The following SLC22A8 variants were observed in gnomAD, a reference collection of about 807,000 sequenced individuals.
SLC22A8 encodes solute carrier family 22 member 8, also known as organic anion transporter 3.
SLC22A8 carries 40 observed loss-of-function variants against 48.4 expected under a neutral mutation model. The ratio of observed to expected loss-of-function variants is 0.83; its 90% CI spans 0.64 to 1.08. SLC22A8 has a LOEUF of 1.08. Ranked by LOEUF, SLC22A8 falls within the 50% of genes least tolerant of loss-of-function variation. The pLI, the probability that SLC22A8 is intolerant of heterozygous loss-of-function variation, is 0.00. For synonymous variants in SLC22A8, 268 were observed against 286.3 expected (o/e 0.94, Z 0.65); for missense variants, 606 against 699.0 (o/e 0.87, Z 1.50).
Position 62,994,573 on chromosome 11 carries a change from C to G in SLC22A8, c.1185G>C (p.Gly395=), listed in dbSNP as rs541734790. Residue 395 remains glycine, a synonymous_variant, in exon 8 of 11, where the codon GGG becomes GGC. Transcript: ENST00000336232. ...GCACAAAGGTGAGAGCCAAGATGGC[C>G]CCTCCTGCCAGGAGCAGGGCAGCGG... ...TQAAALLLAG[G]AILALTFVPL... is the part of the protein sequence containing the mutation. 1 of 1,612,594 alleles carries G rather than the reference C, an allele frequency of 6.2e-7. No individual in the cohort carries two copies. The highest frequency in any genetic ancestry group is 1.1e-5 in the South Asian group (1 of 90,668).
chr11:62,997,545 G>C (rs530102512), intron 5 of SLC22A8, among the ~76,000 whole-genome samples: 9 of 152,240 alleles, frequency 5.9e-5, no homozygotes, highest in African/African-American at 2.2e-4. Context: ...TTGATGCTCA[G>C]AGGGCATGAG....
At chr11:63,010,550 G>T (rs539518386) in intron 2 of SLC22A8, among the ~76,000 whole-genome samples, 1 of 152,158 alleles carries the variant, frequency 6.6e-6, no homozygotes, top group African/African-American at 2.4e-5. Context: ...AAGATGAAAG[G>T]GTTCTGCCCT....
chr11:63,011,797 C>T (rs925625307), intron 2 of SLC22A8, among the ~76,000 whole-genome samples: 7 of 152,134 alleles, frequency 4.6e-5, no homozygotes, highest in South Asian at 2.1e-4. Flanking sequence ...GTGTCACTCT[C>T]CTGCTTAACA....
At chr11:63,000,091 AG>A (rs552607159) in intron 3 of SLC22A8, among the ~76,000 whole-genome samples, 60 of 152,336 alleles carry the variant, frequency 3.9e-4, no homozygotes, top group Middle Eastern at 3.4e-3. Context: ...CAGGGGTCAA[AG>A]GACCGCCCAT....
In SLC22A8 at chr11:63,000,783, G is replaced by A; in HGVS notation, c.374C>T (p.Ala125Val). Residue 125 changes from alanine (A) to valine (V), a missense_variant, in exon 3 of 11, where the codon GCC becomes GTC. By Grantham distance (64) the Ala-to-Val change is moderately conservative. Transcript: ENST00000336232. ...TATACCTGCCATGAAGATAGACTGG[G>A]CCATCTCCTTCAGTTTGTTGGAGTT... ...VCNSNKLKEM[A>V]QSIFMAGILI... 6.2e-7 allele frequency: 1 copy of A among 1,614,094 alleles called. No homozygotes were observed. Among genetic ancestry groups the A allele is most frequent in the Non-Finnish European group, 8.5e-7 (1 of 1,179,954 alleles).
At chr11:62,994,388 C>T (rs772720461) in intron 8 of SLC22A8, 154 bp downstream of exon 8, 70 of 626,124 alleles carry the variant, frequency 1.1e-4, no homozygotes, top group Middle Eastern at 2.7e-4. Context: ...AGCCCAATTG[C>T]GTTATTTTCT....
At chr11:62,994,813 T>C in intron 7 of SLC22A8, 57 bp from the exon 8 acceptor site, 1 of 1,307,274 alleles carries the variant, frequency 7.6e-7, no homozygotes, top group Non-Finnish European at 1.1e-6. Flanking sequence ...CCACTCCCCA[T>C]GCTGGTCATT....
At chr11:63,000,641 C>A in intron 3 of SLC22A8, 79 bp downstream of exon 3, 2 of 1,020,430 alleles carry the variant, frequency 2.0e-6, no homozygotes, top group Non-Finnish European at 1.5e-6. Context: ...TGCCTCTTTG[C>A]GGGTGCACGG....
At chr11:63,000,693 T>G in intron 3 of SLC22A8, 27 bp downstream of exon 3, 1 of 1,489,650 alleles carries the variant, frequency 6.7e-7, no homozygotes, top group Non-Finnish European at 9.4e-7. Flanking sequence ...GGGTCATGCT[T>G]CCATGGGCTG....
Position 62,998,687 on chromosome 11 carries a change from C to T in SLC22A8, c.761+234G>A, listed in dbSNP as rs116028029. Among the ~76,000 whole-genome samples the T allele has an allele frequency of 4.8e-3, 738 of 152,356 alleles. 6 individuals are homozygous for T. Among genetic ancestry groups the T allele is most frequent in the African/African-American group, 0.017 (698 of 41,590 alleles). On this transcript the variant is annotated intron_variant, in intron 5 of 10. Coordinates refer to ENST00000336232, the MANE Select transcript of SLC22A8 (RefSeq NM_004254.4). ...CAGCCAGTCTCCATCCCGTCCACCT[C>T]CACTTACCCTCTTCTTCAGCTGCAG...
chr11:63,009,462 G>A (rs774150775), intron 2 of SLC22A8, among the ~76,000 whole-genome samples: 1 of 152,154 alleles, frequency 6.6e-6, no homozygotes, highest in Non-Finnish European at 1.5e-5. Context: ...CCCTTAGAGA[G>A]ATGGGTCTTG....
At chr11:63,000,092 G>T (rs774763241) in intron 3 of SLC22A8, among the ~76,000 whole-genome samples, 1 of 152,062 alleles carries the variant, frequency 6.6e-6, no homozygotes, top group Non-Finnish European at 1.5e-5. Flanking sequence ...AGGGGTCAAA[G>T]GACCGCCCAT....
chr11:62,993,233 G>A lies in SLC22A8; in HGVS notation c.*4C>T, dbSNP rs1441989680. The A allele has an allele frequency of 6.2e-7, 1 of 1,609,704 alleles. No individual in the cohort carries two copies. Among genetic ancestry groups the A allele is most frequent in the East Asian group, 2.2e-5 (1 of 44,846 alleles). ...GAGGGCAGGGAAAGGGGGTTCCGTT[G>A]TCCTCAGCTGGAGCCCAGGCCTGGT... On this transcript the variant is annotated 3_prime_UTR_variant, in exon 11 of 11. Transcript: ENST00000336232.
chr11:62,994,491 C>A (rs774206147), intron 8 of SLC22A8, 51 bp downstream of exon 8: 1 of 1,451,220 alleles, frequency 6.9e-7, no homozygotes, highest in Non-Finnish European at 9.5e-7. Flanking sequence ...TCCCTGGCAC[C>A]CAACCTGGCA....
In SLC22A8 at chr11:62,993,844, A is replaced by G. The variant is rs1173047838; in HGVS notation, c.1251T>C (p.Phe417=). 1.2e-6 allele frequency: 2 copies of G among 1,613,688 alleles called. No individual in the cohort carries two copies. The highest frequency in any genetic ancestry group is 2.7e-5 in the African/African-American group (2 of 74,920). ...AGGAGCTGGATAGGCATCCCTTCCC[A>G]AACACAGCCAATACTGTCCTCACGG... ...LQTVRTVLAV[F]GKGCLSSSFS... Residue 417 remains phenylalanine (F), a synonymous_variant, in exon 9 of 11, where the codon TTT becomes TTC. Transcript: ENST00000336232.
chr11:63,002,735 A>ATAC (rs1364724050), intron 2 of SLC22A8, among the ~76,000 whole-genome samples: 4 of 152,260 alleles, frequency 2.6e-5, no homozygotes, highest in African/African-American at 9.6e-5. Flanking sequence ...TCTATTTCCA[A>ATAC]TACTACTGCC....
At chr11:63,004,164 G>A (rs1173316314) in intron 2 of SLC22A8, among the ~76,000 whole-genome samples, 2 of 152,120 alleles carry the variant, frequency 1.3e-5, no homozygotes, top group Non-Finnish European at 2.9e-5. Flanking sequence ...CTGGATCTTG[G>A]TTTCTACCAT....
chr11:63,010,802 C>G (rs2086610654), intron 2 of SLC22A8, among the ~76,000 whole-genome samples: 1 of 152,222 alleles, frequency 6.6e-6, no homozygotes, highest in Non-Finnish European at 1.5e-5. Flanking sequence ...GGAACTGGCT[C>G]AAGCGTGAAC....
chr11:62,997,044 C>G (rs2086429579), intron 5 of SLC22A8, among the ~76,000 whole-genome samples: 1 of 152,166 alleles, frequency 6.6e-6, no homozygotes, highest in Admixed American at 6.5e-5. Context: ...TGAGCCTGCT[C>G]TTACCAAGAT....
Sources: allele counts gnomAD v4.1 joint callset (sites outside exome capture counted in the v4.1 genomes callset), GRCh38; gene constraint gnomAD v4.1.1; transcripts MANE v1.5; gene names NCBI Gene and HGNC (gene_info 2026-07-23, HGNC 2026-07-21).